TMEM156: variants seen among roughly 807,000 people sequenced by gnomAD.
The protein encoded by TMEM156 is transmembrane protein 156.
Under a neutral mutation model 30.5 loss-of-function variants are expected in TMEM156, and 28 were observed. The ratio of observed to expected loss-of-function variants is 0.92; its 90% CI spans 0.68 to 1.26. The LOEUF is 1.26. TMEM156 is among the 50% of genes most tolerant of loss of function. The pLI is 0.00. For missense variants in TMEM156, 351 were observed against 340.6 expected (o/e 1.03, Z -0.24); for synonymous variants, 137 against 119.9 (o/e 1.14, Z -0.93).
rs193147632 is a variant in TMEM156, at chr4:39,015,453, G to C, written c.89-16544C>G. 2.2e-4 allele frequency among the ~76,000 whole-genome samples: 34 copies of C among 152,304 alleles called. No homozygotes were observed. In the East Asian group the frequency reaches 6.6e-3, roughly 29 times the overall value. On this transcript the variant is annotated intron_variant, in intron 1 of 6. Coordinates refer to ENST00000381938, the MANE Select transcript of TMEM156 (RefSeq NM_024943.3). ...TCAGCAGGCCATTGCTGGCTTTGAA[G>C]ATGGAAGGAGGCCACAAGCCAAGGA...
At chr4:39,017,000 A>G (rs1714531715) in intron 1 of TMEM156, among the ~76,000 whole-genome samples, 2 of 151,960 alleles carry the variant, frequency 1.3e-5, no homozygotes, top group South Asian at 2.1e-4. Context: ...CATTTATAAA[A>G]CCATCAGATC....
chr4:39,007,629 G>T lies in TMEM156; in HGVS notation c.89-8720C>A, dbSNP rs559623211. 1.2e-4 allele frequency among the ~76,000 whole-genome samples: 18 copies of T among 151,236 alleles called. No individual in the cohort carries two copies. The South Asian group carries it at 3.8e-3, about 32-fold the overall frequency. On this transcript the variant is annotated intron_variant, in intron 1 of 6. Transcript: ENST00000381938. ...GCCACCACACCCAGCTCATTTTTTT[G>T]GTATTTTTTGGTAGAGATGGGGTTT...
rs139245004 is a variant in TMEM156 at position 39,003,879 on chromosome 4, A to C, written c.89-4970T>G. On this transcript the variant is annotated intron_variant, in intron 1 of 6. Coordinates refer to ENST00000381938, the MANE Select transcript of TMEM156 (RefSeq NM_024943.3). ...CTAAAAGAGAGATAGAGAAATGTTTACTGTCAATAGTGTAGTCTTCTTATT... is the reference window on the plus strand; with the variant it reads ...CTAAAAGAGAGATAGAGAAATGTTTCCTGTCAATAGTGTAGTCTTCTTATT... Among the ~76,000 whole-genome samples the C allele has an allele frequency of 8.0e-3, 1,219 of 152,260 alleles. 25 individuals are homozygous for C. The highest frequency in any genetic ancestry group is 0.027 in the African/African-American group (1,109 of 41,540).
chr4:39,031,905 A>AAAAAAAAAAAAAC (rs60499521), intron 1 of TMEM156, among the ~76,000 whole-genome samples: 7 of 129,252 alleles, frequency 5.4e-5, no homozygotes, highest in Admixed American at 8.3e-5. Context: ...AAATAAAAAA[A>AAAAAAAAAAAAAC]TAAAAAAAAA....
In TMEM156 at chr4:39,012,123, A is replaced by G. The variant is rs74344542; in HGVS notation, c.89-13214T>C. Reference sequence around the variant, plus strand: ...GAAGCCCAAACCTCAGCATCACATAATATATCCATGTAACAAACCTGCACA... The same window carrying G: ...GAAGCCCAAACCTCAGCATCACATAGTATATCCATGTAACAAACCTGCACA... On this transcript the variant is annotated intron_variant, in intron 1 of 6. Transcript: ENST00000381938. 3.6e-3 allele frequency among the ~76,000 whole-genome samples: 553 copies of G among 152,310 alleles called. 4 individuals carry two copies. The highest frequency in any genetic ancestry group is 0.013 in the African/African-American group (533 of 41,566).
intron 5 of TMEM156, among the ~76,000 whole-genome samples, chr4:38,978,267 T>TA (rs560962966): frequency 0.17 from 25,521 of 152,028 alleles, 2,572 homozygotes; most frequent in East Asian, 0.29. Context: ...AAGTAACTTT[T>TA]AAAAAAATAC....
chr4:39,007,937 G>A (rs1209311123), intron 1 of TMEM156, among the ~76,000 whole-genome samples: 1 of 152,030 alleles, frequency 6.6e-6, no homozygotes, highest in Non-Finnish European at 1.5e-5. Context: ...TTTTCTGTCT[G>A]TTGGTAGTAT....
intron 5 of TMEM156, among the ~76,000 whole-genome samples, chr4:38,984,855 G>A (rs936044555): frequency 1.3e-5 from 2 of 152,170 alleles, no homozygotes; most frequent in Non-Finnish European, 2.9e-5. Context: ...GATTTTTAGT[G>A]AGAGCTATGA....
intron 5 of TMEM156, among the ~76,000 whole-genome samples, chr4:38,983,588 TG>T (rs1189615016): frequency 6.6e-6 from 1 of 152,142 alleles, no homozygotes; most frequent in Non-Finnish European, 1.5e-5. Flanking sequence ...TTTATAGAGA[TG>T]GGGTTTCACT....
rs144636907 is a variant in TMEM156, at chr4:38,973,476, A to G, written c.824-2339T>C. Among the ~76,000 whole-genome samples, 103 of 152,260 alleles carry G rather than the reference A, an allele frequency of 6.8e-4. 1 individual carries two copies. The East Asian group carries it at 0.02, about 29-fold the overall frequency. ...GTTACTTTATTTATAATTGTTTTAA[A>G]TACAGTGTATCCTCTAACTGGTTAT... On this transcript the variant is annotated intron_variant, in intron 5 of 6. Transcript: ENST00000381938.
chr4:38,968,360 A>C (rs1722441573), intron 6 of TMEM156, among the ~76,000 whole-genome samples: 1 of 152,228 alleles, frequency 6.6e-6, no homozygotes, highest in African/African-American at 2.4e-5. Flanking sequence ...ATGTCCTCTG[A>C]AGGAGGAGTC....
chr4:39,005,241 C>G (rs1049628352), intron 1 of TMEM156, among the ~76,000 whole-genome samples: 8 of 152,176 alleles, frequency 5.3e-5, no homozygotes, highest in African/African-American at 1.9e-4. Context: ...CTTTGTGTCC[C>G]TACCTAAATC....
intron 5 of TMEM156, among the ~76,000 whole-genome samples, chr4:38,984,003 CAG>C (rs1236166096): frequency 6.6e-6 from 1 of 152,166 alleles, no homozygotes; most frequent in Admixed American, 6.5e-5. Context: ...ATAAATAAGA[CAG>C]AGATCACGTG....
At chr4:38,988,999 C>G in intron 3 of TMEM156, 29 bp from the exon 4 acceptor site, 5 of 1,597,812 alleles carry the variant, frequency 3.1e-6, no homozygotes, top group East Asian at 2.2e-5. Context: ...CTGTAAAAAC[C>G]CAGTAAAATT....
chr4:38,999,805 T>C (rs150855399), intron 1 of TMEM156, among the ~76,000 whole-genome samples: 183 of 152,310 alleles, frequency 1.2e-3, no homozygotes, highest in African/African-American at 4.2e-3. Context: ...TCATATTGCT[T>C]TCTCCTCTGT....
intron 1 of TMEM156, among the ~76,000 whole-genome samples, chr4:39,005,201 T>C (rs1713645707): frequency 1.3e-5 from 2 of 152,350 alleles, no homozygotes; most frequent in Non-Finnish European, 2.9e-5. Context: ...AGGGCTCTTC[T>C]GTAATGGAGC....
intron 1 of TMEM156, among the ~76,000 whole-genome samples, chr4:39,016,298 G>A (rs2381347): frequency 6.6e-5 from 10 of 151,418 alleles, no homozygotes; most frequent in African/African-American, 1.7e-4. Flanking sequence ...GCTTGAACCC[G>A]GGAGGCAGAG....
intron 3 of TMEM156, among the ~76,000 whole-genome samples, chr4:38,989,770 TTTATTTTATTTTATTTTATC>T (rs1244624180): frequency 1.9e-4 from 22 of 118,222 alleles, no homozygotes; most frequent in African/African-American, 5.5e-4. Flanking sequence ...TGACTCATTT[TTTATTTTATTTTATTTTATC>T]TTATTTTATT....
intron 1 of TMEM156, among the ~76,000 whole-genome samples, chr4:39,024,245 G>A (rs750175539): frequency 2.0e-5 from 3 of 152,146 alleles, no homozygotes; most frequent in Non-Finnish European, 4.4e-5. Context: ...CATGTTGGCA[G>A]GCTGGTCTCT....
Sources: gnomAD v4.1 joint callset for allele counts (sites outside exome capture counted in the v4.1 genomes callset) on GRCh38, gnomAD v4.1.1 for gene constraint, MANE v1.5 for transcripts, NCBI Gene and HGNC (gene_info 2026-07-23, HGNC 2026-07-21) for gene names.